The following PKD2L1 variants were observed in gnomAD, a reference collection of about 807,000 sequenced individuals.
PKD2L1 encodes the protein polycystin-2-like protein 1.
Under a neutral mutation model 93.0 loss-of-function variants are expected in PKD2L1, and 77 were observed. That is an observed-to-expected ratio of 0.83 (90% CI 0.69 to 1.00). PKD2L1 has a LOEUF of 1.00. PKD2L1 is among the 50% of genes least tolerant of loss of function. The probability of loss-of-function intolerance (pLI) is 0.00; values close to 1 mark genes in which losing one functional copy is unlikely to be tolerated. For synonymous variants in PKD2L1, 390 were observed against 388.0 expected, an observed-to-expected ratio of 1.01 and a Z score of -0.06; for missense variants, 977 against 990.9, an observed-to-expected ratio of 0.99 and a Z score of 0.19.
Position 100,330,164 on chromosome 10 carries a change from A to C in PKD2L1, c.-61T>G, listed in dbSNP as rs58870488. ...CCCACTCTCAGCTAGAGGAAGAGGG[A>C]GCAGAGGCACAGCCCAGCCTAGCCA... On this transcript the variant is annotated 5_prime_UTR_variant, in exon 1 of 16. Coordinates refer to ENST00000318222, the MANE Select transcript of PKD2L1 (RefSeq NM_016112.3). 2.1e-3 allele frequency: 2,299 copies of C among 1,083,838 alleles called. 27 individuals carry two copies. In the African/African-American group the frequency reaches 0.032, roughly 15 times the overall value. The allele number at this position is 1,083,838 out of a possible 1,614,324, so 67.1% of individuals were successfully genotyped here. A position where few individuals can be genotyped will look rare whatever the true frequency, so the allele number is the denominator to read the frequency against.
In PKD2L1 at chr10:100,294,709, A is replaced by T. The variant is rs1445154705; in HGVS notation, c.1539-54T>A. On this transcript the variant is annotated intron_variant, in intron 8 of 15. Coordinates refer to ENST00000318222, the MANE Select transcript of PKD2L1 (RefSeq NM_016112.3). ...GAGCCTAACAAACACCCCCCATCCC[A>T]CTTTCCTAATCACAGAGAGACCCCT... is the stretch of plus-strand genomic sequence containing the variant. The T allele has an allele frequency of 2.5e-6, 4 of 1,609,446 alleles. No homozygotes were observed. The Admixed American group carries it at 6.7e-5, about 27-fold the overall frequency.
chr10:100,313,350 T>C (rs1848975923), intron 2 of PKD2L1, among the ~76,000 whole-genome samples: 2 of 152,126 alleles, frequency 1.3e-5, no homozygotes, highest in African/African-American at 4.8e-5. Flanking sequence ...TCTTTGAACA[T>C]ATGGACCCAG....
chr10:100,310,486 A>C (rs1258672253), intron 2 of PKD2L1, among the ~76,000 whole-genome samples: 3 of 152,240 alleles, frequency 2.0e-5, no homozygotes, highest in Non-Finnish European at 4.4e-5. Flanking sequence ...AAACATGCCT[A>C]TCATTAAGTC....
In PKD2L1 at chr10:100,316,392, G is replaced by A. The variant is rs537375673; in HGVS notation, c.349+12819C>T. On this transcript the variant is annotated intron_variant, in intron 2 of 15. Coordinates refer to ENST00000318222, the MANE Select transcript of PKD2L1 (RefSeq NM_016112.3). The stretch of plus-strand genomic sequence containing the variant: ...TCTCCATGTTGGTCAAGCTGGTCTC[G>A]AACTCCTGACCTCAGGTGATCTGCC... Among the ~76,000 whole-genome samples, 13 of 152,254 alleles carry A rather than the reference G, an allele frequency of 8.5e-5. 1 individual carries two copies. In the East Asian group the frequency reaches 1.4e-3, roughly 16 times the overall value.
intron 9 of PKD2L1, 28 bp from the exon 10 acceptor site, chr10:100,293,407 C>G (rs1244443049): frequency 7.0e-7 from 1 of 1,419,666 alleles, no homozygotes; most frequent in Non-Finnish European, 1.0e-6. Context: ...GACCTGGGTC[C>G]TCACCCCCAG....
intron 2 of PKD2L1, among the ~76,000 whole-genome samples, chr10:100,318,396 G>A (rs754350785): frequency 3.9e-5 from 6 of 152,206 alleles, no homozygotes; most frequent in Non-Finnish European, 8.8e-5. Context: ...GCAAGAGGCA[G>A]AGCTTGTGCT....
Position 100,297,510 on chromosome 10 carries a change from T to C in PKD2L1, c.828A>G (p.Gly276=), listed in dbSNP as rs201667834. ...GAGCCTCTGCACTACCCTGTCGGGA[T>C]CCTGGAAGGTCCAGGTAGTAGCCAC... The part of the protein sequence containing the change: ...SGGGYYLDLP[G]SRQGSAEALR... Residue 276 remains glycine, a synonymous_variant, in exon 5 of 16, where the codon GGA becomes GGG. Transcript: ENST00000318222. 6.2e-7 allele frequency: 1 copy of C among 1,614,124 alleles called. No homozygotes were observed. The highest frequency in any genetic ancestry group is 8.5e-7 in the Non-Finnish European group (1 of 1,180,000).
At chr10:100,297,248 G>A (rs2278839) in intron 5 of PKD2L1, 40 bp from the exon 6 acceptor site, 637,802 of 1,581,526 alleles carry the variant, frequency 0.4, 129,757 homozygotes, top group East Asian at 0.53. Context: ...TGGAGCCTTC[G>A]CTGGGACGGC....
chr10:100,326,579 G>A (rs912467731), intron 2 of PKD2L1, among the ~76,000 whole-genome samples: 4 of 152,214 alleles, frequency 2.6e-5, no homozygotes, highest in Admixed American at 6.5e-5. Context: ...CAGATTGTCC[G>A]TGGCATATTT....
At chr10:100,328,024 C>T (rs1849415559) in intron 2 of PKD2L1, among the ~76,000 whole-genome samples, 2 of 152,200 alleles carry the variant, frequency 1.3e-5, no homozygotes, top group African/African-American at 2.4e-5. Flanking sequence ...CTGACAAGAA[C>T]AGAGTATTGC....
At chr10:100,290,587 A>T (rs6584357) in intron 12 of PKD2L1, 68 bp from the exon 13 acceptor site, 54,733 of 936,172 alleles carry the variant, frequency 0.058, 2,042 homozygotes, top group African/African-American at 0.14. Flanking sequence ...CTGTTCTATC[A>T]CCTACTCTAC....
At chr10:100,311,211 A>G (rs1383531226) in intron 2 of PKD2L1, among the ~76,000 whole-genome samples, 5 of 152,214 alleles carry the variant, frequency 3.3e-5, no homozygotes, top group Non-Finnish European at 7.3e-5. Context: ...TTTGGCCACT[A>G]GGAACCTCAG....
chr10:100,320,564 T>A (rs1209229295), intron 2 of PKD2L1, among the ~76,000 whole-genome samples: 1 of 152,170 alleles, frequency 6.6e-6, no homozygotes, highest in Admixed American at 6.5e-5. Context: ...GGTCTAATGG[T>A]CCAAGTTCCC....
At chr10:100,321,072 G>T (rs1480423405) in intron 2 of PKD2L1, among the ~76,000 whole-genome samples, 1 of 152,180 alleles carries the variant, frequency 6.6e-6, no homozygotes. Context: ...AAACTGGCTG[G>T]GCATGGTGGC....
Position 100,288,995 on chromosome 10 carries a change from C to A in PKD2L1, c.2312G>T (p.Gly771Val). Residue 771 changes from glycine (G) to valine (V), a missense_variant, in exon 15 of 16, where the codon GGA becomes GTA. Gly to Val is a moderately radical substitution (Grantham distance 109). Transcript: ENST00000318222. ...ACCACTCTCCTGCCCACCCTGGACT[C>A]CCCAGGGGTCTGGGGTCACAGCTGG... ...PAPAVTPDPWGVQGGQESEVP... is the reference protein window; with the variant it reads ...PAPAVTPDPWVVQGGQESEVP... 1 of 1,610,920 alleles carries A rather than the reference C, an allele frequency of 6.2e-7. No homozygotes were observed. Among genetic ancestry groups the A allele is most frequent in the Non-Finnish European group, 8.5e-7 (1 of 1,178,056 alleles).
At chr10:100,314,469 G>T (rs1222258178) in intron 2 of PKD2L1, among the ~76,000 whole-genome samples, 1 of 152,138 alleles carries the variant, frequency 6.6e-6, no homozygotes, top group Non-Finnish European at 1.5e-5. Context: ...GTCCAGGACC[G>T]AGAAGTATCC....
chr10:100,311,103 C>T (rs868406451), intron 2 of PKD2L1, among the ~76,000 whole-genome samples: 2 of 152,194 alleles, frequency 1.3e-5, no homozygotes, highest in East Asian at 3.8e-4. Context: ...ACCAACAAGG[C>T]CAATTATTCC....
At position 100,296,984 on chromosome 10, in the gene PKD2L1, A is replaced by T. The variant is rs1564882700; in HGVS notation, c.1181T>A (p.Ile394Asn). 6.2e-7 allele frequency: 1 copy of T among 1,608,328 alleles called. No homozygotes were observed. Among genetic ancestry groups the T allele is most frequent in the Non-Finnish European group, 8.5e-7 (1 of 1,174,776 alleles). The change falls in exon 6 of 16, where the codon ATC becomes AAC. Residue 394 changes from isoleucine to asparagine, a missense_variant. Transcript: ENST00000318222. ...SIWNILDLVV[I>N]LLSIVAVGFH... ...TCCTAGATATCTGTCCCTCACCAAG[A>T]TGACCACCAGGTCCAGTATGTTCCA... is the stretch of plus-strand genomic sequence containing the variant.
chr10:100,294,695 A>G (rs11597005), intron 8 of PKD2L1, 40 bp from the exon 9 acceptor site: 319,895 of 1,610,358 alleles, frequency 0.2, 34,983 homozygotes, highest in Non-Finnish European at 0.23. Flanking sequence ...AGCCTAACAA[A>G]CACCCCCCAT....
Sources: gnomAD v4.1 joint callset for allele counts (sites outside exome capture counted in the v4.1 genomes callset) on GRCh38, gnomAD v4.1.1 for gene constraint, MANE v1.5 for transcripts, NCBI Gene and HGNC (gene_info 2026-07-23, HGNC 2026-07-21) for gene names.